Variants in ABCA10 observed in about 807,000 individuals in gnomAD.
The protein encoded by ABCA10 is ATP-binding cassette sub-family A member 10.
ABCA10 carries 169 observed loss-of-function variants against 187.5 expected under a neutral mutation model. That is an observed-to-expected ratio of 0.90 (90% CI 0.80 to 1.02). The LOEUF (loss-of-function observed/expected upper bound fraction) is 1.02, where lower values mean the gene tolerates loss of function less well. Among genes scored for constraint, ABCA10 ranks in the 50% least tolerant of loss-of-function variants. ABCA10 has a pLI of 0.00. For missense variants in ABCA10, 1,727 were observed against 1,812.4 expected (o/e 0.95, Z 0.86); for synonymous variants, 574 against 601.8 (o/e 0.95, Z 0.68).
At chr17:69,204,294 G>A (rs957727851) in intron 9 of ABCA10, among the ~76,000 whole-genome samples, 45 of 152,006 alleles carry the variant, frequency 3.0e-4, no homozygotes, top group African/African-American at 1.1e-3. Flanking sequence ...ATACATGCTG[G>A]TGACTATATG....
Position 69,149,390 on chromosome 17 carries a change from A to G in ABCA10, c.4478-302T>C, listed in dbSNP as rs542258767. On this transcript the variant is annotated intron_variant, in intron 37 of 38. Coordinates refer to ENST00000690296, the MANE Select transcript of ABCA10 (RefSeq NM_001377321.1). ...TCAGTTGTCGAGAATAATTTATTCT[A>G]TATTTGTAAATCTACAGAGGAGTCC... The G allele has an allele frequency of 1.7e-3, 533 of 311,572 alleles. 2 individuals carry two copies. The highest frequency in any genetic ancestry group is 0.011 in the African/African-American group (498 of 46,552). 19.3% of individuals were successfully genotyped at this position (311,572 alleles called of 1,614,324 possible).
chr17:69,162,842 T>TACATATAC (rs377270606), intron 27 of ABCA10, among the ~76,000 whole-genome samples: 5,360 of 146,922 alleles, frequency 0.036, 114 homozygotes, highest in Middle Eastern at 0.06. Context: ...CATATACATA[T>TACATATAC]ATATATATAT....
chr17:69,210,165 TATTTC>T (rs2074628206), intron 9 of ABCA10, among the ~76,000 whole-genome samples: 8 of 141,240 alleles, frequency 5.7e-5, no homozygotes, highest in Non-Finnish European at 9.0e-5. Flanking sequence ...ATTTAGTGGT[TATTTC>T]TTTTTTTTTT....
chr17:69,205,411 A>G (rs2074583835), intron 9 of ABCA10, among the ~76,000 whole-genome samples: 1 of 152,232 alleles, frequency 6.6e-6, no homozygotes, highest in East Asian at 1.9e-4. Context: ...TTGAGCATCT[A>G]CTAGGTGCCA....
chr17:69,190,627 A>T (rs2074452854), intron 17 of ABCA10, 150 bp from the exon 18 acceptor site: 1 of 707,042 alleles, frequency 1.4e-6, no homozygotes, highest in Non-Finnish European at 2.1e-6. Flanking sequence ...TTTCTGTAAG[A>T]TATTCTCTTG....
rs113050212 is a variant in ABCA10, at chr17:69,182,789, G to A, written c.2517C>T (p.Leu839=). The A allele has an allele frequency of 1.1e-4, 173 of 1,604,314 alleles. No individual in the cohort carries two copies. The African/African-American group carries it at 1.5e-3, about 14-fold the overall frequency. ...VNNTGSNIED[L]VHSLKCQDIV... ...TATCCTGACACTTCAGTGAATGCAC[G>A]AGGTCTTCAATATTTGATCCTAACA... The change falls in exon 21 of 39, where the codon CTC becomes CTT. Residue 839 remains leucine, a synonymous_variant. Coordinates refer to ENST00000690296, the MANE Select transcript of ABCA10 (RefSeq NM_001377321.1).
intron 25 of ABCA10, among the ~76,000 whole-genome samples, chr17:69,169,040 T>C (rs536884630): frequency 6.6e-6 from 1 of 152,356 alleles, no homozygotes; most frequent in South Asian, 2.1e-4. Context: ...TTACTATTTA[T>C]CAGATATTTT....
At position 69,222,682 on chromosome 17, in the gene ABCA10, C is replaced by T. The variant is rs769462634; in HGVS notation, c.50G>A (p.Gly17Glu). Reference sequence around the variant, plus strand: ...ATCCATGGTCTCTTCATCTGGTGTCCCAATGACTGTTCTTCCTACCATGTA... The same window carrying T: ...ATCCATGGTCTCTTCATCTGGTGTCTCAATGACTGTTCTTCCTACCATGTA... ...ASFMKGRTVI[G>E]TPDEETMDIE... is the part of the protein sequence containing the mutation. Residue 17 changes from glycine to glutamate, a missense_variant, in exon 4 of 39, where the codon GGG becomes GAG. Transcript: ENST00000690296. 1.9e-6 allele frequency: 3 copies of T among 1,577,528 alleles called. No homozygotes were observed. Among genetic ancestry groups the T allele is most frequent in the Admixed American group, 4.0e-5 (2 of 49,494 alleles).
chr17:69,237,781 C>G (rs2074880841), intron 1 of ABCA10, among the ~76,000 whole-genome samples: 1 of 152,038 alleles, frequency 6.6e-6, no homozygotes, highest in African/African-American at 2.4e-5. Flanking sequence ...GACTGGCAAC[C>G]TTTGAAGAAG....
At chr17:69,199,711 C>G (rs1025140439) in intron 10 of ABCA10, among the ~76,000 whole-genome samples, 1 of 152,220 alleles carries the variant, frequency 6.6e-6, no homozygotes, top group Non-Finnish European at 1.5e-5. Context: ...CCATTGTTCA[C>G]TGGATTAATA....
At chr17:69,240,463 C>T (rs2074897092) in intron 1 of ABCA10, among the ~76,000 whole-genome samples, 1 of 152,154 alleles carries the variant, frequency 6.6e-6, no homozygotes. Flanking sequence ...TTTCAGCATC[C>T]ACAGGAGCCT....
At chr17:69,227,862 T>A (rs1031665523) in intron 1 of ABCA10, among the ~76,000 whole-genome samples, 2 of 152,000 alleles carry the variant, frequency 1.3e-5, no homozygotes, top group Admixed American at 6.6e-5. Flanking sequence ...GAAGTAAATA[T>A]GTAAGATACA....
In ABCA10 at chr17:69,215,844, G is replaced by T. The variant is rs77944357; in HGVS notation, c.829C>A (p.Pro277Thr). The T allele has an allele frequency of 1.1e-3, 1,758 of 1,604,388 alleles. 12 individuals are homozygous for T. In the African/African-American group the frequency reaches 0.019, roughly 17 times the overall value. Reference sequence around the variant, plus strand: ...GCCATTCCAGCAGTGAAGGCAAAAGGGCTAAGAAGACTTAATACCCATCCC... The same window carrying T: ...GCCATTCCAGCAGTGAAGGCAAAAGTGCTAAGAAGACTTAATACCCATCCC... ...SLGWVLSLLS[P>T]FAFTAGMAQI... The change falls in exon 8 of 39, where the codon CCT becomes ACT. Residue 277 changes from proline (P) to threonine (T), a missense_variant. By Grantham distance (38) the Pro-to-Thr change is conservative. Coordinates refer to ENST00000690296, the MANE Select transcript of ABCA10 (RefSeq NM_001377321.1).
Position 69,215,816 on chromosome 17 carries a change from T to C in ABCA10, c.857A>G (p.Gln286Arg), listed in dbSNP as rs2074699080. The C allele has an allele frequency of 2.6e-6, 4 of 1,564,650 alleles. No individual in the cohort carries two copies. Among genetic ancestry groups the C allele is most frequent in the Non-Finnish European group, 3.4e-6 (4 of 1,162,584 alleles). Residue 286 changes from glutamine to arginine, a missense_variant and splice_region_variant, in exon 8 of 39, where the codon CAG becomes CGG. Physicochemically the swap from Gln to Arg is conservative, Grantham distance 43 (BLOSUM62 1). Transcript: ENST00000690296. ...ATCTTGAAATAATTATGTTCTTACC[T>C]GGGCCATTCCAGCAGTGAAGGCAAA... Reference protein sequence around the residue: ...SPFAFTAGMAQITHLDNYLSG... With the variant: ...SPFAFTAGMARITHLDNYLSG...
At chr17:69,214,885 G>T in intron 8 of ABCA10, 34 bp from the exon 9 acceptor site, 1 of 1,426,692 alleles carries the variant, frequency 7.0e-7, no homozygotes, top group South Asian at 1.5e-5. Context: ...AATGTTAGAT[G>T]AACTTATAAA....
intron 9 of ABCA10, among the ~76,000 whole-genome samples, chr17:69,207,427 T>C (rs910937165): frequency 6.6e-6 from 1 of 152,214 alleles, no homozygotes; most frequent in African/African-American, 2.4e-5. Context: ...ACTGAAGAGA[T>C]ATCTGCACTC....
intron 9 of ABCA10, among the ~76,000 whole-genome samples, chr17:69,211,566 CTTT>C (rs2074659943): frequency 6.6e-6 from 1 of 151,406 alleles, no homozygotes; most frequent in South Asian, 2.1e-4. Flanking sequence ...ATCAATTCTT[CTTT>C]GAGTGTCTGA....
chr17:69,172,573 G>A (rs939455107), intron 25 of ABCA10, among the ~76,000 whole-genome samples: 1 of 151,968 alleles, frequency 6.6e-6, no homozygotes, highest in Non-Finnish European at 1.5e-5. Flanking sequence ...TGTTCCTTAA[G>A]CCTCCCAGTC....
chr17:69,164,235 C>A, intron 26 of ABCA10, 81 bp from the exon 27 acceptor site: 1 of 1,127,382 alleles, frequency 8.9e-7, no homozygotes, highest in Non-Finnish European at 1.2e-6. Flanking sequence ...CCACATTATA[C>A]TTGATGTTCT....
Sources: allele counts gnomAD v4.1 joint callset (sites outside exome capture counted in the v4.1 genomes callset), GRCh38; gene constraint gnomAD v4.1.1; transcripts MANE v1.5; gene names NCBI Gene and HGNC (gene_info 2026-07-23, HGNC 2026-07-21).